The following SORL1 variants were observed in gnomAD, a reference collection of about 807,000 sequenced individuals.
SORL1 encodes sortilin-related receptor.
SORL1 carries 127 observed loss-of-function variants against 273.7 expected under a neutral mutation model. The observed-to-expected ratio is 0.46, with a 90% CI of 0.40 to 0.54. The LOEUF is 0.54. Ranked by LOEUF, SORL1 falls within the 20% of genes least tolerant of loss-of-function variation. SORL1 has a pLI of 0.00. For synonymous variants in SORL1, 1,031 were observed against 1,067.4 expected (o/e 0.97, Z 0.66); for missense variants, 2,494 against 2,846.1 (o/e 0.88, Z 2.81).
chr11:121,514,095 A>G (rs959825230), intron 7 of SORL1, 57 bp from the exon 8 acceptor site: 32 of 1,560,186 alleles, frequency 2.1e-5, no homozygotes, highest in Non-Finnish European at 2.7e-5. Flanking sequence ...TGTATAGTAA[A>G]AGCCCACAGG....
At chr11:121,478,001 C>T (rs2134793572) in intron 2 of SORL1, 117 bp from the exon 3 acceptor site, 3 of 1,177,930 alleles carry the variant, frequency 2.5e-6, no homozygotes, top group Non-Finnish European at 3.5e-6. Context: ...CATGGCACTG[C>T]AGCCCGGGCA....
Position 121,625,250 on chromosome 11 carries a change from A to G in SORL1, c.6337A>G (p.Ile2113Val), listed in dbSNP as rs549651498. ...CAACCAGATCTGTGGGGAGCCTGCC[A>G]TCCTGCTGTACGATGAGCTGGGGTC... ...FGNQICGEPA[I>V]LLYDELGSGA... Residue 2113 changes from isoleucine (I) to valine (V), a missense_variant, in exon 46 of 48, where the codon ATC (isoleucine) becomes GTC (valine). By Grantham distance (29) the Ile-to-Val change is conservative. Around this residue, in one of 3 missense-constraint regions of SORL1, gnomAD observed 1,609 missense variants for 1,816.4 expected, o/e 0.89. Transcript: ENST00000260197. The G allele has an allele frequency of 6.2e-7, 1 of 1,613,814 alleles. No homozygotes were observed. The highest frequency in any genetic ancestry group is 2.2e-5 in the East Asian group (1 of 44,838).
intron 26 of SORL1, 48 bp from the exon 27 acceptor site, chr11:121,586,174 G>T: frequency 1.4e-6 from 2 of 1,474,552 alleles, no homozygotes; most frequent in Non-Finnish European, 1.9e-6. Context: ...GTGAGTGCCT[G>T]CCTGTTTCCT....
At chr11:121,588,454 G>A (rs994819097) in intron 28 of SORL1, among the ~76,000 whole-genome samples, 5 of 152,322 alleles carry the variant, frequency 3.3e-5, no homozygotes, top group African/African-American at 1.2e-4. Flanking sequence ...CGCTGAAAGT[G>A]AGAGGCCTTT....
At chr11:121,527,747 A>G (rs1299026336) in intron 11 of SORL1, among the ~76,000 whole-genome samples, 2 of 152,050 alleles carry the variant, frequency 1.3e-5, no homozygotes, top group African/African-American at 4.8e-5. Context: ...GTAAGTTGTG[A>G]CATTTGTTGG....
At chr11:121,580,613 T>TG (rs1367866181) in intron 25 of SORL1, among the ~76,000 whole-genome samples, 1 of 150,932 alleles carries the variant, frequency 6.6e-6, no homozygotes, top group African/African-American at 2.4e-5. Context: ...ACTTTTTTTT[T>TG]TTTTTTTTTG....
intron 18 of SORL1, 113 bp from the exon 19 acceptor site, chr11:121,557,201 G>T: frequency 1.3e-6 from 1 of 793,846 alleles, no homozygotes; most frequent in Non-Finnish European, 2.2e-6. Context: ...CAGGGAAATA[G>T]GCAGGCATGG....
chr11:121,553,590 A>G (rs987917256), intron 16 of SORL1, among the ~76,000 whole-genome samples: 1 of 152,210 alleles, frequency 6.6e-6, no homozygotes, highest in Admixed American at 6.5e-5. Flanking sequence ...GAACAGGGCG[A>G]TTGGTGTAAT....
intron 2 of SORL1, among the ~76,000 whole-genome samples, chr11:121,476,783 C>T (rs1322914104): frequency 2.8e-5 from 4 of 140,616 alleles, no homozygotes; most frequent in African/African-American, 5.3e-5. Context: ...TCCCTCCCTC[C>T]CTTCCTTCCT....
chr11:121,526,127 G>C (rs191405106), intron 11 of SORL1, among the ~76,000 whole-genome samples: 1 of 152,082 alleles, frequency 6.6e-6, no homozygotes, highest in African/African-American at 2.4e-5. Context: ...TTTGGATTCA[G>C]GTCTTTTGTA....
At chr11:121,552,105 C>G (rs1188241136) in intron 16 of SORL1, among the ~76,000 whole-genome samples, 1 of 151,934 alleles carries the variant, frequency 6.6e-6, no homozygotes, top group Admixed American at 6.5e-5. Flanking sequence ...AAATCTCATT[C>G]CATTGTGGGC....
intron 11 of SORL1, among the ~76,000 whole-genome samples, chr11:121,528,103 A>G (rs1247093240): frequency 6.6e-6 from 1 of 152,094 alleles, no homozygotes; most frequent in African/African-American, 2.4e-5. Flanking sequence ...GTACTAATTT[A>G]GCTATATGCC....
At chr11:121,513,238 T>C (rs1861904296) in intron 7 of SORL1, 134 bp downstream of exon 7, 3 of 699,250 alleles carry the variant, frequency 4.3e-6, no homozygotes, top group East Asian at 5.0e-5. Context: ...CTCTAGAGAG[T>C]GCAGCTATGC....
rs948817582 is a variant in SORL1 at position 121,586,215 on chromosome 11, A to G, written c.3707-7A>G. 5 of 1,605,304 alleles carry G rather than the reference A, an allele frequency of 3.1e-6. No homozygotes were observed. Among genetic ancestry groups the G allele is most frequent in the Admixed American group, 3.3e-5 (2 of 60,010 alleles). On this transcript the variant is annotated splice_polypyrimidine_tract_variant and splice_region_variant and intron_variant, in intron 26 of 47. Coordinates refer to ENST00000260197, the MANE Select transcript of SORL1 (RefSeq NM_003105.6). ...TCATTCTTCTGTGTTGTTGAATTCT[A>G]TTTCAGAGAAGAAGTGCAATGGATT... is the stretch of plus-strand genomic sequence containing the variant.
chr11:121,559,402 C>G, intron 20 of SORL1, 117 bp from the exon 21 acceptor site: 1 of 1,044,480 alleles, frequency 9.6e-7, no homozygotes, highest in Non-Finnish European at 1.4e-6. Flanking sequence ...CTTGATCAGG[C>G]TAGTCATTCA....
chr11:121,478,037 A>C (rs1405752335), intron 2 of SORL1, 81 bp from the exon 3 acceptor site: 1 of 493,586 alleles, frequency 2.0e-6, no homozygotes, highest in Non-Finnish European at 3.0e-6. Flanking sequence ...AGTCTCAAAA[A>C]AAAAAAAAAA....
Position 121,607,200 on chromosome 11 carries a change from G to A in SORL1, c.5076G>A (p.Arg1692=), listed in dbSNP as rs748663731. The change falls in exon 37 of 48, where the codon AGG becomes AGA. Residue 1692 remains arginine, a synonymous_variant. Coordinates refer to ENST00000260197, the MANE Select transcript of SORL1 (RefSeq NM_003105.6). ...LIREYIVEYS[R]SGSKMWASQR... ...TCTCCCTTTAGGTAGAATACAGCAG[G>A]AGTGGTTCCAAGATGTGGGCCTCCC... The A allele has an allele frequency of 2.5e-6, 4 of 1,607,320 alleles. No individual in the cohort carries two copies. Among genetic ancestry groups the A allele is most frequent in the African/African-American group, 1.3e-5 (1 of 74,768 alleles).
In SORL1 at chr11:121,618,797, G is replaced by A. The variant is rs774470793; in HGVS notation, c.5628G>A (p.Thr1876=). 1.1e-5 allele frequency: 18 copies of A among 1,614,024 alleles called. No individual in the cohort carries two copies. Among genetic ancestry groups the A allele is most frequent in the East Asian group, 2.2e-5 (1 of 44,882 alleles). The change falls in exon 42 of 48, where the codon ACG becomes ACA. Residue 1876 remains threonine (T), a synonymous_variant. Coordinates refer to ENST00000260197, the MANE Select transcript of SORL1 (RefSeq NM_003105.6). ...AGGTTTATGGTATTTTCTATGCCACGTCCTTTCTTGACCTCTATCGCAACC... is the reference window on the plus strand; with the variant it reads ...AGGTTTATGGTATTTTCTATGCCACATCCTTTCTTGACCTCTATCGCAACC... ...RNVVYGIFYA[T]SFLDLYRNPK...
At chr11:121,476,103 G>GATATCAAA (rs1861263499) in intron 2 of SORL1, among the ~76,000 whole-genome samples, 2 of 152,132 alleles carry the variant, frequency 1.3e-5, no homozygotes, top group Non-Finnish European at 2.9e-5. Flanking sequence ...TACGTGGGGG[G>GATATCAAA]TTATCAAATT....
Sources: gnomAD v4.1 joint callset for allele counts (sites outside exome capture counted in the v4.1 genomes callset) on GRCh38, gnomAD v4.1.1 for gene constraint, gnomAD v4.1.1 regional missense constraint, MANE v1.5 for transcripts, NCBI Gene and HGNC (gene_info 2026-07-23, HGNC 2026-07-21) for gene names.